The following GFM2 variants were observed in gnomAD, a reference collection of about 807,000 sequenced individuals.
GFM2 encodes GTP dependent ribosome recycling factor mitochondrial 2, also known as ribosome-releasing factor 2, mitochondrial.
A neutral mutation model predicts 95.4 loss-of-function variants in GFM2; 72 were observed. The ratio of observed to expected loss-of-function variants is 0.76; its 90% CI spans 0.62 to 0.92. GFM2 has a LOEUF of 0.92. GFM2 is among the 40% of genes least tolerant of loss of function. GFM2 has a pLI of 0.00. For synonymous variants in GFM2, 276 were observed against 317.5 expected (o/e 0.87, Z 1.39); for missense variants, 825 against 924.1 (o/e 0.89, Z 1.39).
Position 74,736,968 on chromosome 5 carries a change from G to C in GFM2, c.1338C>G (p.Thr446=), listed in dbSNP as rs1469648810. Residue 446 remains threonine (T), a synonymous_variant, in exon 15 of 21, where the codon ACC becomes ACG. Coordinates refer to ENST00000296805, the MANE Select transcript of GFM2 (RefSeq NM_032380.5). ...ATGCACTGGACTTGGATGAGACAATGGTGTCTCCAGTGGCAGTCTGCAAGC... is the reference window on the plus strand; with the variant it reads ...ATGCACTGGACTTGGATGAGACAATCGTGTCTCCAGTGGCAGTCTGCAAGC... ...VGLKHTATGD[T]IVSSKSSALA... The C allele has an allele frequency of 1.2e-6, 2 of 1,613,294 alleles. No individual in the cohort carries two copies. Among genetic ancestry groups the C allele is most frequent in the African/African-American group, 1.3e-5 (1 of 74,972 alleles).
chr5:74,759,651 G>C (rs1487849796), intron 3 of GFM2, among the ~76,000 whole-genome samples: 2 of 152,072 alleles, frequency 1.3e-5, no homozygotes, highest in Non-Finnish European at 2.9e-5. Context: ...TCAAGTTCTA[G>C]ATCATATCCT....
intron 15 of GFM2, among the ~76,000 whole-genome samples, chr5:74,733,688 C>A (rs1742688998): frequency 6.6e-6 from 1 of 152,152 alleles, no homozygotes; most frequent in Admixed American, 6.5e-5. Context: ...TGGGTTTGCA[C>A]TGCGAAGCCA....
At chr5:74,755,031 G>A (rs1270926572) in intron 5 of GFM2, among the ~76,000 whole-genome samples, 1 of 152,138 alleles carries the variant, frequency 6.6e-6, no homozygotes, top group Admixed American at 6.5e-5. Context: ...GGGAGGTGGA[G>A]GTTGCAATGA....
intron 5 of GFM2, among the ~76,000 whole-genome samples, chr5:74,758,413 G>A (rs893665645): frequency 6.6e-6 from 1 of 152,176 alleles, no homozygotes; most frequent in Non-Finnish European, 1.5e-5. Flanking sequence ...GTTATAACAA[G>A]AGACATTCAT....
chr5:74,724,945 A>C (rs1420478277), intron 19 of GFM2, among the ~76,000 whole-genome samples: 1 of 152,158 alleles, frequency 6.6e-6, no homozygotes, highest in Non-Finnish European at 1.5e-5. Context: ...CACGACACTT[A>C]AGGACAAACT....
chr5:74,735,120 C>T (rs891246526), intron 15 of GFM2, among the ~76,000 whole-genome samples: 6 of 152,180 alleles, frequency 3.9e-5, no homozygotes, highest in Admixed American at 6.5e-5. Flanking sequence ...CTTTGATATA[C>T]TTAGGCAGCC....
intron 10 of GFM2, 78 bp from the exon 11 acceptor site, chr5:74,741,687 G>A: frequency 2.9e-6 from 2 of 689,912 alleles, no homozygotes. Context: ...ACCATAAACA[G>A]ACAATATTCA....
intron 15 of GFM2, 90 bp from the exon 16 acceptor site, chr5:74,733,188 A>G: frequency 1.1e-6 from 1 of 952,316 alleles, no homozygotes; most frequent in Non-Finnish European, 1.6e-6. Flanking sequence ...ATAAGCAAAC[A>G]AATTTTGAAA....
In GFM2 at chr5:74,740,113, T is replaced by C; in HGVS notation, c.955A>G (p.Thr319Ala). ...ACAGGCACTGCTGTCTGAGCTAGTG[T>C]CACTCTATGTATTGCAGTCTGTAGC... is the stretch of plus-strand genomic sequence containing the variant. Reference protein sequence around the residue: ...EKLQTAIHRVTLAQTAVPVLC... With the variant: ...EKLQTAIHRVALAQTAVPVLC... Residue 319 changes from threonine to alanine, a missense_variant, in exon 12 of 21, where the codon ACA (threonine) becomes GCA (alanine). Thr to Ala is a moderately conservative substitution (Grantham distance 58). Coordinates refer to ENST00000296805, the MANE Select transcript of GFM2 (RefSeq NM_032380.5). 2.5e-6 allele frequency: 4 copies of C among 1,605,022 alleles called. No homozygotes were observed. The highest frequency in any genetic ancestry group is 2.5e-6 in the Non-Finnish European group (3 of 1,176,808).
Position 74,764,609 on chromosome 5 carries a change from T to C in GFM2, c.-24-843A>G, listed in dbSNP as rs1744448138. Among the ~76,000 whole-genome samples the C allele has an allele frequency of 2.0e-5, 3 of 152,198 alleles. No individual in the cohort carries two copies. In the South Asian group the frequency reaches 6.2e-4, roughly 32 times the overall value. ...GGGAAACCAAAAGATTAGACACCCC[T>C]GTGTTAAACCATTGTGATCCATGTT... On this transcript the variant is annotated intron_variant, in intron 1 of 20. Coordinates refer to ENST00000296805, the MANE Select transcript of GFM2 (RefSeq NM_032380.5).
At chr5:74,744,374 CTA>C (rs1743274580) in intron 10 of GFM2, among the ~76,000 whole-genome samples, 4 of 149,034 alleles carry the variant, frequency 2.7e-5, no homozygotes, top group Non-Finnish European at 4.5e-5. Context: ...AAAAAAAAAA[CTA>C]TGTACAAAAG....
In GFM2 at chr5:74,721,470, CATTATATAA is replaced by C. The variant is rs1749875124; in HGVS notation, c.*176_*184del. ...GCTTTAAACATCAAAGCACATTTCT[CATTATATAA>C]ATTAAAACGGGTGGCTCCAGTGCCA... On this transcript the variant is annotated 3_prime_UTR_variant, in exon 21 of 21. Transcript: ENST00000296805. The C allele has an allele frequency of 1.1e-5, 8 of 722,682 alleles. No individual in the cohort carries two copies. Among genetic ancestry groups the C allele is most frequent in the Admixed American group, 2.5e-5 (1 of 39,904 alleles). The allele number at this position is 722,682 out of a possible 1,614,324, so 44.8% of individuals were successfully genotyped here. A position where few individuals can be genotyped will look rare whatever the true frequency, so the allele number is the denominator to read the frequency against.
At chr5:74,737,411 G>A (rs973845027) in intron 14 of GFM2, among the ~76,000 whole-genome samples, 8 of 152,178 alleles carry the variant, frequency 5.3e-5, no homozygotes, top group Non-Finnish European at 1.2e-4. Context: ...TGTGCAGATT[G>A]CTGGCTTCCA....
intron 5 of GFM2, among the ~76,000 whole-genome samples, chr5:74,752,967 A>C (rs1178624002): frequency 6.6e-6 from 1 of 152,168 alleles, no homozygotes; most frequent in Non-Finnish European, 1.5e-5. Flanking sequence ...AAGGAACCAG[A>C]AAAACAATTC....
At position 74,763,675 on chromosome 5, in the gene GFM2, CT is replaced by C; in HGVS notation, c.63+4del. ...AGGACACTTAATTTTATAAGAAATG[CT>C]TACATTAATATACACACTGGGTATT... On this transcript the variant is annotated splice_donor_region_variant and intron_variant, in intron 2 of 20. Coordinates refer to ENST00000296805, the MANE Select transcript of GFM2 (RefSeq NM_032380.5). The C allele has an allele frequency of 6.5e-7, 1 of 1,535,430 alleles. No homozygotes were observed. The highest frequency in any genetic ancestry group is 9.0e-7 in the Non-Finnish European group (1 of 1,110,674).
intron 5 of GFM2, among the ~76,000 whole-genome samples, chr5:74,756,614 GCA>G (rs1561260801): frequency 6.6e-6 from 1 of 151,974 alleles, no homozygotes; most frequent in Non-Finnish European, 1.5e-5. Context: ...ACATTGTTTT[GCA>G]CAGTGGTTGT....
chr5:74,746,105 C>G lies in GFM2; in HGVS notation c.669G>C (p.Gln223His), dbSNP rs750684833. The G allele has an allele frequency of 7.8e-6, 12 of 1,547,832 alleles. No homozygotes were observed. The South Asian group carries it at 1.1e-4, about 15-fold the overall frequency. Residue 223 changes from glutamine to histidine, a missense_variant and splice_region_variant, in exon 9 of 21, where the codon CAG (glutamine) becomes CAC (histidine). Gln to His is a conservative substitution (Grantham distance 24). Transcript: ENST00000296805. ...EKLKAKPLLL[Q>H]LPIGEAKTFK... ...AAGCTGATGCTATTAACCAATTTAC[C>G]TGTAAAAGCAAAGGCTTTGCCTTTA...
In GFM2 at chr5:74,725,643, T is replaced by C. The variant is rs1425498774; in HGVS notation, c.2025A>G (p.Gln675=). ...AAGGATTAGGATAGTTCTATACCTT[T>C]TGCACGCATCTTGAGACACAGGCAG... The part of the protein sequence containing the change: ...MISACVSRCV[Q]KALKKADKQV... The change falls in exon 19 of 21, where the codon CAA becomes CAG. Residue 675 remains glutamine, a synonymous_variant. Coordinates refer to ENST00000296805, the MANE Select transcript of GFM2 (RefSeq NM_032380.5). 6.2e-6 allele frequency: 10 copies of C among 1,602,942 alleles called. No homozygotes were observed. Among genetic ancestry groups the C allele is most frequent in the Admixed American group, 1.7e-5 (1 of 59,932 alleles).
At chr5:74,763,615 G>A (rs758541846) in intron 2 of GFM2, 65 bp downstream of exon 2, 11 of 868,706 alleles carry the variant, frequency 1.3e-5, no homozygotes, top group Non-Finnish European at 1.9e-5. Flanking sequence ...AGATATACTG[G>A]GCATTTTAGG....
Sources: allele counts gnomAD v4.1 joint callset (sites outside exome capture counted in the v4.1 genomes callset), GRCh38; gene constraint gnomAD v4.1.1; transcripts MANE v1.5; gene names NCBI Gene and HGNC (gene_info 2026-07-23, HGNC 2026-07-21).